The following ASTN1 variants were observed in gnomAD, a reference collection of about 807,000 sequenced individuals.
ASTN1 encodes the protein astrotactin 1, also known as astrotactin-1.
Under a neutral mutation model 140.7 loss-of-function variants are expected in ASTN1, and 41 were observed. The observed-to-expected ratio is 0.29, with a 90% CI of 0.23 to 0.38. ASTN1 has a LOEUF of 0.38. ASTN1 is among the 10% of genes least tolerant of loss of function. The pLI is 1.00. For synonymous variants in ASTN1, 640 were observed against 652.2 expected, an observed-to-expected ratio of 0.98 and a Z score of 0.29; for missense variants, 1,479 against 1,678.8, an observed-to-expected ratio of 0.88 and a Z score of 2.08.
intron 16 of ASTN1, among the ~76,000 whole-genome samples, chr1:176,925,800 G>A (rs1670930399): frequency 6.7e-6 from 1 of 150,232 alleles, no homozygotes; most frequent in Non-Finnish European, 1.5e-5. Context: ...CATCTCAGTA[G>A]GTAAAGGCAT....
intron 1 of ASTN1, among the ~76,000 whole-genome samples, chr1:177,111,437 C>A (rs957247380): frequency 5.9e-5 from 7 of 119,266 alleles, no homozygotes; most frequent in Admixed American, 1.6e-4. Context: ...CTGGGGTGGA[C>A]CCTTAGATTC....
At chr1:176,927,774 G>GT (rs1431428566) in intron 16 of ASTN1, among the ~76,000 whole-genome samples, 1 of 152,152 alleles carries the variant, frequency 6.6e-6, no homozygotes, top group Admixed American at 6.5e-5. Context: ...TAAAAAGTAT[G>GT]TTTTCCTTTG....
chr1:176,889,264 A>G (rs1237568748), intron 17 of ASTN1, among the ~76,000 whole-genome samples: 2 of 152,082 alleles, frequency 1.3e-5, no homozygotes, highest in African/African-American at 4.8e-5. Flanking sequence ...AAGGGGAGGG[A>G]GAGGGTGGGA....
At chr1:177,030,363 T>G (rs1676364273) in intron 4 of ASTN1, among the ~76,000 whole-genome samples, 1 of 152,206 alleles carries the variant, frequency 6.6e-6, no homozygotes, top group South Asian at 2.1e-4. Context: ...TAACTTCATT[T>G]TTTTTCCCAT....
intron 1 of ASTN1, among the ~76,000 whole-genome samples, chr1:177,113,783 G>A (rs962751817): frequency 4.6e-5 from 7 of 152,288 alleles, no homozygotes; most frequent in Non-Finnish European, 1.0e-4. Context: ...AACAGCTTAT[G>A]GAGAGAAGCT....
intron 1 of ASTN1, among the ~76,000 whole-genome samples, chr1:177,141,292 G>C (rs1682459230): frequency 6.6e-6 from 1 of 152,080 alleles, no homozygotes; most frequent in African/African-American, 2.4e-5. Flanking sequence ...GCTAATAGAG[G>C]AAAAGTACTT....
At chr1:176,928,291 T>C (rs1056380522) in intron 16 of ASTN1, among the ~76,000 whole-genome samples, 1 of 152,144 alleles carries the variant, frequency 6.6e-6, no homozygotes, top group Admixed American at 6.5e-5. Context: ...ACAGGATTAC[T>C]GGGAAATAAG....
intron 1 of ASTN1, among the ~76,000 whole-genome samples, 179 bp downstream of exon 1, chr1:177,164,215 T>C (rs1162865371): frequency 1.3e-5 from 2 of 151,740 alleles, no homozygotes; most frequent in Admixed American, 6.6e-5. Flanking sequence ...AGAAGTCAGG[T>C]GCACAGAGGC....
At chr1:177,087,916 G>A (rs752363519) in intron 1 of ASTN1, among the ~76,000 whole-genome samples, 15 of 152,206 alleles carry the variant, frequency 9.9e-5, no homozygotes, top group Non-Finnish European at 2.1e-4. Flanking sequence ...TGCTGACACC[G>A]GAGGCTGCTT....
intron 1 of ASTN1, among the ~76,000 whole-genome samples, chr1:177,134,457 G>T (rs181959436): frequency 2.2e-3 from 331 of 152,262 alleles, no homozygotes; most frequent in Middle Eastern, 6.8e-3. Flanking sequence ...AAGGTGTCTG[G>T]ATTTTTATTC....
intron 1 of ASTN1, among the ~76,000 whole-genome samples, chr1:177,103,711 T>C (rs1213072482): frequency 1.3e-5 from 2 of 152,082 alleles, no homozygotes; most frequent in Non-Finnish European, 2.9e-5. Context: ...TCCTAGACCC[T>C]GAGTTAGGTT....
rs748063474 is a variant in ASTN1, at chr1:177,005,593, T to C, written c.1523+9198A>G. On this transcript the variant is annotated intron_variant, in intron 8 of 22. Coordinates refer to ENST00000361833, the MANE Select transcript of ASTN1 (RefSeq NM_004319.3). ...ATTAATCTAAGTGCTCATCAACTGA[T>C]GAGTGAATAAAGAAAATGTTTTTTA... 3.9e-5 allele frequency among the ~76,000 whole-genome samples: 6 copies of C among 152,160 alleles called. No homozygotes were observed. In the South Asian group the frequency reaches 8.3e-4, roughly 21 times the overall value.
chr1:177,031,083 C>T (rs1015855904), intron 3 of ASTN1, 131 bp from the exon 4 acceptor site: 9 of 1,002,664 alleles, frequency 9.0e-6, no homozygotes, highest in African/African-American at 6.6e-5. Flanking sequence ...AACTGAGAGA[C>T]TGGCTGCAAG....
Position 176,945,924 on chromosome 1 carries a change from A to G in ASTN1, c.2249+2T>C. 6.2e-7 allele frequency: 1 copy of G among 1,605,878 alleles called. No homozygotes were observed. Among genetic ancestry groups the G allele is most frequent in the Non-Finnish European group, 8.5e-7 (1 of 1,175,070 alleles). ...AATCAGTTCTATGTATATGAGGTTT[A>G]CCTGAATGTTCCTTTCAGCACCTGT... On this transcript the variant is annotated splice_donor_variant, in intron 13 of 22. Transcript: ENST00000361833. LOFTEE classifies it high-confidence loss of function.
At chr1:176,997,129 T>G (rs1674492595) in intron 8 of ASTN1, among the ~76,000 whole-genome samples, 2 of 152,158 alleles carry the variant, frequency 1.3e-5, no homozygotes, top group Non-Finnish European at 2.9e-5. Flanking sequence ...ACAGAAATAA[T>G]CATCTGATTG....
intron 8 of ASTN1, among the ~76,000 whole-genome samples, chr1:176,972,345 G>A (rs1349207847): frequency 6.6e-6 from 1 of 152,148 alleles, no homozygotes; most frequent in Non-Finnish European, 1.5e-5. Flanking sequence ...AAATGAGACC[G>A]ATCAGTGTGG....
At chr1:176,982,134 G>A (rs1673647088) in intron 8 of ASTN1, among the ~76,000 whole-genome samples, 1 of 152,226 alleles carries the variant, frequency 6.6e-6, no homozygotes, top group Non-Finnish European at 1.5e-5. Context: ...AGGAGGCTGT[G>A]TCTCTGCAAA....
chr1:177,099,176 T>C (rs772399031), intron 1 of ASTN1, among the ~76,000 whole-genome samples: 70 of 152,234 alleles, frequency 4.6e-4, no homozygotes, highest in Admixed American at 2.6e-4. Flanking sequence ...CAAAGTATTA[T>C]GTTGAAGAAA....
intron 3 of ASTN1, among the ~76,000 whole-genome samples, chr1:177,031,774 A>G (rs1248421170): frequency 6.6e-6 from 1 of 152,226 alleles, no homozygotes; most frequent in Non-Finnish European, 1.5e-5. Flanking sequence ...GATTCATAGA[A>G]GTTTTAAAGA....
Sources: gnomAD v4.1 joint callset for allele counts (sites outside exome capture counted in the v4.1 genomes callset) on GRCh38, gnomAD v4.1.1 for gene constraint, MANE v1.5 for transcripts, NCBI Gene and HGNC (gene_info 2026-07-23, HGNC 2026-07-21) for gene names.